Variants in MZT1 observed in about 807,000 individuals in gnomAD.
The protein encoded by MZT1 is mitotic spindle organizing protein 1, also known as mitotic-spindle organizing protein 1.
A neutral mutation model predicts 8.5 loss-of-function variants in MZT1; 8 were observed. The observed-to-expected ratio is 0.94, with a 90% CI of 0.55 to 1.70. The LOEUF (loss-of-function observed/expected upper bound fraction) is 1.70. MZT1 is among the 40% of genes most tolerant of loss of function. MZT1 has a pLI of 0.00. For synonymous variants in MZT1, 38 were observed against 42.0 expected (o/e 0.90, Z 0.37); for missense variants, 93 against 108.6 (o/e 0.86, Z 0.64).
At chr13:72,724,752 A>ATATGTG (rs1180726488) in intron 1 of MZT1, among the ~76,000 whole-genome samples, 664 of 56,840 alleles carry the variant, frequency 0.012, 110 homozygotes, top group Non-Finnish European at 0.017. Context: ...ACATATATAT[A>ATATGTG]TGTAAAGTGG....
chr13:72,719,124 A>C, intron 1 of MZT1, 27 bp from the exon 2 acceptor site: 1 of 1,507,982 alleles, frequency 6.6e-7, no homozygotes, highest in Non-Finnish European at 8.8e-7. Context: ...AAAAAAAAAA[A>C]ACTTAAGGCT....
At chr13:72,720,812 CG>C (rs1566213977) in intron 1 of MZT1, among the ~76,000 whole-genome samples, 1 of 152,034 alleles carries the variant, frequency 6.6e-6, no homozygotes, top group Non-Finnish European at 1.5e-5. Flanking sequence ...CGCTTGAACC[CG>C]GGAAGTAAAG....
intron 1 of MZT1, among the ~76,000 whole-genome samples, chr13:72,723,473 T>A (rs530619869): frequency 2.0e-5 from 3 of 152,182 alleles, no homozygotes; most frequent in Admixed American, 6.5e-5. Flanking sequence ...ATATAATGGA[T>A]CAAAGTCAAA....
At chr13:72,713,700 G>A (rs903104510) in intron 2 of MZT1, among the ~76,000 whole-genome samples, 1 of 152,138 alleles carries the variant, frequency 6.6e-6, no homozygotes, top group African/African-American at 2.4e-5. Flanking sequence ...ACAGAGGACT[G>A]ACTGTACTTG....
chr13:72,718,475 T>C (rs1315667251), intron 2 of MZT1, among the ~76,000 whole-genome samples: 2 of 151,824 alleles, frequency 1.3e-5, no homozygotes, highest in African/African-American at 4.8e-5. Flanking sequence ...GTAGTAGTAA[T>C]TTTTCTTTTT....
At chr13:72,718,199 A>T (rs1381968164) in intron 2 of MZT1, among the ~76,000 whole-genome samples, 2 of 152,206 alleles carry the variant, frequency 1.3e-5, no homozygotes, top group African/African-American at 4.8e-5. Flanking sequence ...TCTTATGGCC[A>T]CAGAAAATCC....
chr13:72,725,878 A>G lies in MZT1; in HGVS notation c.79+1646T>C, dbSNP rs575834961. Among the ~76,000 whole-genome samples the G allele has an allele frequency of 2.0e-5, 3 of 152,260 alleles. 1 individual carries two copies. In the East Asian group the frequency reaches 5.9e-4, roughly 30 times the overall value. On this transcript the variant is annotated intron_variant, in intron 1 of 2. Coordinates refer to ENST00000377818, the MANE Select transcript of MZT1 (RefSeq NM_001071775.3). ...ACCTTTTTCCAAGGAAATATACAAG[A>G]CAGTAAATTTATATTTATATACACA... is the stretch of plus-strand genomic sequence containing the variant.
At position 72,727,597 on chromosome 13, in the gene MZT1, C is replaced by A. The variant is rs774125906; in HGVS notation, c.6G>T (p.Ala2=). 1.9e-5 allele frequency: 31 copies of A among 1,599,460 alleles called. 1 individual carries two copies. The highest frequency in any genetic ancestry group is 5.2e-5 in the Admixed American group (3 of 58,060). M[A]SSSGAGAAAA... ...CCGCCGCCCCAGCACCGCTGCTACT[C>A]GCCATGGCTAAGGCCGAGGGAGGCG... is the stretch of plus-strand genomic sequence containing the variant. Residue 2 remains alanine (A), a synonymous_variant, in exon 1 of 3, where the codon GCG becomes GCT. Coordinates refer to ENST00000377818, the MANE Select transcript of MZT1 (RefSeq NM_001071775.3).
At chr13:72,719,167 C>A (rs1423884772) in intron 1 of MZT1, 70 bp from the exon 2 acceptor site, 4 of 1,251,400 alleles carry the variant, frequency 3.2e-6, no homozygotes, top group South Asian at 1.9e-5. Context: ...ATAGTACTTT[C>A]ATTAATTTAT....
At chr13:72,725,055 A>G (rs1388640653) in intron 1 of MZT1, among the ~76,000 whole-genome samples, 1 of 151,206 alleles carries the variant, frequency 6.6e-6, no homozygotes, top group Admixed American at 6.6e-5. Flanking sequence ...CGGTCTCAAA[A>G]AAAAAAAAAA....
At chr13:72,714,437 G>A (rs2032515387) in intron 2 of MZT1, among the ~76,000 whole-genome samples, 1 of 151,952 alleles carries the variant, frequency 6.6e-6, no homozygotes, top group South Asian at 2.1e-4. Flanking sequence ...AGAATTCAAG[G>A]GGGCTGCAAA....
At chr13:72,718,480 C>CTT (rs749593284) in intron 2 of MZT1, among the ~76,000 whole-genome samples, 2 of 142,452 alleles carry the variant, frequency 1.4e-5, no homozygotes, top group Admixed American at 7.1e-5. Context: ...AGTAATTTTT[C>CTT]TTTTTTTTTT....
chr13:72,720,705 A>G (rs1361499997), intron 1 of MZT1, among the ~76,000 whole-genome samples: 4 of 152,128 alleles, frequency 2.6e-5, no homozygotes, highest in African/African-American at 9.7e-5. Flanking sequence ...CCTGACCAAC[A>G]TGGAGAAACC....
chr13:72,710,185 G>T lies in MZT1; in HGVS notation c.*137C>A. The T allele has an allele frequency of 1.3e-6, 1 of 763,708 alleles. No individual in the cohort carries two copies. The highest frequency in any genetic ancestry group is 2.2e-6 in the Non-Finnish European group (1 of 463,194). The allele number at this position is 763,708 out of a possible 1,614,324, so 47.3% of individuals were successfully genotyped here. On this transcript the variant is annotated 3_prime_UTR_variant, in exon 3 of 3. Transcript: ENST00000377818. Reference sequence around the variant, plus strand: ...CTTTCCACTGATTTATAAAGCTATGGTTTTATAATTCTTTTAAAAAGTAAA... The same window carrying T: ...CTTTCCACTGATTTATAAAGCTATGTTTTTATAATTCTTTTAAAAAGTAAA...
intron 1 of MZT1, among the ~76,000 whole-genome samples, chr13:72,719,543 T>C (rs2032573383): frequency 6.6e-6 from 1 of 152,204 alleles, no homozygotes; most frequent in African/African-American, 2.4e-5. Context: ...TAAGAATCTG[T>C]ACATACTAAA....
At chr13:72,711,866 AAG>A (rs2032492188) in intron 2 of MZT1, among the ~76,000 whole-genome samples, 3 of 152,158 alleles carry the variant, frequency 2.0e-5, no homozygotes, top group Non-Finnish European at 2.9e-5. Flanking sequence ...AAATGGCAAT[AAG>A]AGAGAACAAG....
At chr13:72,727,391 T>A (rs1244692695) in intron 1 of MZT1, 133 bp downstream of exon 1, 1 of 880,978 alleles carries the variant, frequency 1.1e-6, no homozygotes, top group African/African-American at 1.6e-5. Flanking sequence ...CCCTGGCAGG[T>A]CCCTACCAAA....
rs114754108 is a variant in MZT1, at chr13:72,727,221, G to T, written c.79+303C>A. 9.4e-3 allele frequency among the ~76,000 whole-genome samples: 1,428 copies of T among 152,316 alleles called. 20 individuals are homozygous for T. The highest frequency in any genetic ancestry group is 0.032 in the African/African-American group (1,351 of 41,578). On this transcript the variant is annotated intron_variant, in intron 1 of 2. Transcript: ENST00000377818. Reference sequence around the variant, plus strand: ...CGCTGTCACCGCAGGAGATCGGGCGGGTAGGGCGGACCTGGGATGCGGGAT... The same window carrying T: ...CGCTGTCACCGCAGGAGATCGGGCGTGTAGGGCGGACCTGGGATGCGGGAT...
chr13:72,726,908 A>C (rs899515809), intron 1 of MZT1, among the ~76,000 whole-genome samples: 6 of 152,214 alleles, frequency 3.9e-5, no homozygotes, highest in African/African-American at 1.4e-4. Flanking sequence ...CTTCACACAC[A>C]CGTGCCTCCG....
Sources: allele counts gnomAD v4.1 joint callset (sites outside exome capture counted in the v4.1 genomes callset), GRCh38; gene constraint gnomAD v4.1.1; transcripts MANE v1.5; gene names NCBI Gene and HGNC (gene_info 2026-07-23, HGNC 2026-07-21).